Variants in NCAPD3 observed in about 807,000 individuals in gnomAD.
NCAPD3 encodes non-SMC condensin II complex subunit D3, also known as condensin-2 complex subunit D3.
NCAPD3 carries 105 observed loss-of-function variants against 182.9 expected under a neutral mutation model. The observed-to-expected ratio is 0.57, with a 90% CI of 0.49 to 0.68. NCAPD3 has a LOEUF of 0.68. NCAPD3 is among the 30% of genes least tolerant of loss of function. NCAPD3 has a pLI of 0.00. For synonymous variants in NCAPD3, 815 were observed against 679.9 expected (o/e 1.20, Z -3.09); for missense variants, 1,944 against 1,837.0 (o/e 1.06, Z -1.07).
chr11:134,195,663 A>G (rs140928974), intron 13 of NCAPD3, among the ~76,000 whole-genome samples: 1 of 152,130 alleles, frequency 6.6e-6, no homozygotes, highest in Non-Finnish European at 1.5e-5. Context: ...CAGAGGATCA[A>G]CTGAGCCCAG....
At chr11:134,197,021 T>C (rs1171335180) in intron 13 of NCAPD3, among the ~76,000 whole-genome samples, 1 of 152,152 alleles carries the variant, frequency 6.6e-6, no homozygotes. Flanking sequence ...CGCAGCTTGG[T>C]GCTGTCTTCA....
At chr11:134,172,585 A>G (rs2186759) in intron 24 of NCAPD3, among the ~76,000 whole-genome samples, 66,801 of 151,986 alleles carry the variant, frequency 0.44, 16,924 homozygotes, top group African/African-American at 0.71. Flanking sequence ...CTGCCTCTCT[A>G]CACTCCTGTG....
chr11:134,174,738 T>G (rs1176226577), intron 24 of NCAPD3, among the ~76,000 whole-genome samples: 1 of 152,204 alleles, frequency 6.6e-6, no homozygotes, highest in Non-Finnish European at 1.5e-5. Context: ...ATTTTGAAAG[T>G]TCCTGACACA....
chr11:134,163,217 G>C (rs1013971261), intron 27 of NCAPD3, among the ~76,000 whole-genome samples: 1 of 152,098 alleles, frequency 6.6e-6, no homozygotes, highest in Non-Finnish European at 1.5e-5. Context: ...CACTAGTGAA[G>C]TATAACATAT....
At chr11:134,172,280 C>T (rs1241234160) in intron 24 of NCAPD3, among the ~76,000 whole-genome samples, 1 of 152,228 alleles carries the variant, frequency 6.6e-6, no homozygotes, top group Non-Finnish European at 1.5e-5. Flanking sequence ...TTCTGCTTTC[C>T]TGACTTCATT....
In NCAPD3 at chr11:134,204,792, C is replaced by A; in HGVS notation, c.1089+107G>T. ...AATAAAACCACTTTAAGTAACAATGCACACTCATTCCCAAGAACAAATACC... is the reference window on the plus strand; with the variant it reads ...AATAAAACCACTTTAAGTAACAATGAACACTCATTCCCAAGAACAAATACC... On this transcript the variant is annotated intron_variant, in intron 9 of 34. Transcript: ENST00000534548. This position sits in a 1 kb window ranked among gnomAD's most constrained non-coding sequence, Gnocchi z 4.3. 1 of 844,062 alleles carries A rather than the reference C, an allele frequency of 1.2e-6. No individual in the cohort carries two copies. Among genetic ancestry groups the A allele is most frequent in the African/African-American group, 1.7e-5 (1 of 57,570 alleles). The allele number at this position is 844,062 out of a possible 1,614,324, so 52.3% of individuals were successfully genotyped here. A position where few individuals can be genotyped will look rare whatever the true frequency, so the allele number is the denominator to read the frequency against.
rs1439131422 is a variant in NCAPD3 at position 134,152,709 on chromosome 11, CAGATT to C, written c.*230_*234del. 2 of 422,130 alleles carry C rather than the reference CAGATT, an allele frequency of 4.7e-6. No individual in the cohort carries two copies. The highest frequency in any genetic ancestry group is 8.3e-6 in the Non-Finnish European group (2 of 240,096). The allele number at this position is 422,130 out of a possible 1,614,324, so 26.1% of individuals were successfully genotyped here. A position where few individuals can be genotyped will look rare whatever the true frequency, so the allele number is the denominator to read the frequency against. On this transcript the variant is annotated 3_prime_UTR_variant, in exon 35 of 35. Coordinates refer to ENST00000534548, the MANE Select transcript of NCAPD3 (RefSeq NM_015261.3). The stretch of plus-strand genomic sequence containing the variant: ...AATGGAATAAAGTTACAATATTAAA[CAGATT>C]AGGGTAAGAAAATCTAAATCTGGCA...
At chr11:134,201,334 C>A (rs779458941) in intron 13 of NCAPD3, among the ~76,000 whole-genome samples, 1 of 152,056 alleles carries the variant, frequency 6.6e-6, no homozygotes, top group Non-Finnish European at 1.5e-5. Context: ...CCAGAATAGG[C>A]AATTTTATAA....
chr11:134,203,595 C>T, intron 11 of NCAPD3, 59 bp downstream of exon 11: 1 of 1,575,614 alleles, frequency 6.3e-7, no homozygotes, highest in Non-Finnish European at 8.6e-7. Context: ...GATTCCCTTG[C>T]AGTCTATTTC....
intron 1 of NCAPD3, 45 bp downstream of exon 1, chr11:134,223,818 G>A (rs561864238): frequency 6.9e-6 from 11 of 1,589,192 alleles, no homozygotes; most frequent in South Asian, 6.8e-5. Flanking sequence ...GGGACGCATA[G>A]GACCCTCGCC....
At chr11:134,184,810 TACACAC>T (rs60568256) in intron 18 of NCAPD3, 58 bp from the exon 19 acceptor site, 17,404 of 1,005,980 alleles carry the variant, frequency 0.017, 632 homozygotes, top group African/African-American at 0.11. Context: ...CAGGTATATA[TACACAC>T]ACACACACAC....
At chr11:134,202,746 T>G in intron 13 of NCAPD3, 70 bp downstream of exon 13, 1 of 1,264,076 alleles carries the variant, frequency 7.9e-7, no homozygotes, top group Non-Finnish European at 1.1e-6. Flanking sequence ...ATCCAAGGTT[T>G]TAGACTCTAC....
intron 24 of NCAPD3, among the ~76,000 whole-genome samples, chr11:134,170,698 T>C (rs949903945): frequency 1.3e-5 from 2 of 152,252 alleles, no homozygotes. Flanking sequence ...ACAGACAAGA[T>C]ACTGCGGAGT....
chr11:134,157,228 G>A lies in NCAPD3; in HGVS notation c.4175-133C>T, dbSNP rs1943447374. 13 of 588,506 alleles carry A rather than the reference G, an allele frequency of 2.2e-5. No homozygotes were observed. The South Asian group carries it at 3.3e-4, about 15-fold the overall frequency. The allele number at this position is 588,506 out of a possible 1,614,324, so 36.5% of individuals were successfully genotyped here. A position where few individuals can be genotyped will look rare whatever the true frequency, so the allele number is the denominator to read the frequency against. The stretch of plus-strand genomic sequence containing the variant: ...GTGTTTACAATTTTCTTATAAAGAG[G>A]CAATTCAGGAAGAAATACAAATAAA... On this transcript the variant is annotated intron_variant, in intron 31 of 34. Transcript: ENST00000534548.
At chr11:134,213,540 A>C (rs1591863383) in intron 3 of NCAPD3, among the ~76,000 whole-genome samples, 2 of 151,720 alleles carry the variant, frequency 1.3e-5, no homozygotes, top group East Asian at 3.9e-4. Flanking sequence ...CTGGTCTTAA[A>C]TGCCTGACTT....
chr11:134,221,115 T>C (rs898182816), intron 1 of NCAPD3, among the ~76,000 whole-genome samples: 1 of 152,198 alleles, frequency 6.6e-6, no homozygotes, highest in African/African-American at 2.4e-5. Flanking sequence ...AGTTAATAAG[T>C]GGAAATAAAA....
Position 134,212,369 on chromosome 11 carries a change from G to C in NCAPD3, c.383-1915C>G, listed in dbSNP as rs986343259. 2.2e-5 allele frequency among the ~76,000 whole-genome samples: 3 copies of C among 138,342 alleles called. No individual in the cohort carries two copies. The East Asian group carries it at 6.0e-4, about 28-fold the overall frequency. The allele number at this position is 138,342 out of a possible 152,430, so 90.8% of individuals were successfully genotyped here. ...GAGGAGAAAGGAAAATATACTTTTT[G>C]TTGTTTTGTGTGTGTGTGTGTGTGT... On this transcript the variant is annotated intron_variant, in intron 3 of 34. Transcript: ENST00000534548.
At chr11:134,169,978 A>G (rs1270094192) in intron 24 of NCAPD3, among the ~76,000 whole-genome samples, 2 of 152,232 alleles carry the variant, frequency 1.3e-5, no homozygotes, top group Non-Finnish European at 2.9e-5. Context: ...AAGACTGTCC[A>G]AACAGCAGAC....
upstream of NCAPD3, chr11:134,225,220 A>G (rs1290009980): frequency 1.2e-6 from 2 of 1,614,048 alleles, no homozygotes; most frequent in Non-Finnish European, 1.7e-6. Flanking sequence ...GAGGACGGGA[A>G]GAAGGAGAAA....
Sources: gnomAD v4.1 joint callset for allele counts (sites outside exome capture counted in the v4.1 genomes callset) on GRCh38, gnomAD v4.1.1 for gene constraint, Gnocchi (gnomAD v3.1) non-coding constraint, MANE v1.5 for transcripts, NCBI Gene and HGNC (gene_info 2026-07-23, HGNC 2026-07-21) for gene names.